The following STXBP3 variants were observed in gnomAD, a reference collection of about 807,000 sequenced individuals.
STXBP3 encodes the protein syntaxin binding protein 3.
In STXBP3, 41 loss-of-function variants were observed where a neutral mutation model predicts 85.7. The observed-to-expected ratio is 0.48, with a 90% CI of 0.37 to 0.62. The LOEUF (loss-of-function observed/expected upper bound fraction) is 0.62. Ranked by LOEUF, STXBP3 falls within the 20% of genes least tolerant of loss-of-function variation. The pLI is 0.00. For synonymous variants in STXBP3, 229 were observed against 231.7 expected, an observed-to-expected ratio of 0.99 and a Z score of 0.10; for missense variants, 563 against 703.1, an observed-to-expected ratio of 0.80 and a Z score of 2.25.
intron 16 of STXBP3, among the ~76,000 whole-genome samples, chr1:108,799,973 T>A (rs1663199083): frequency 6.6e-6 from 1 of 152,126 alleles, no homozygotes; most frequent in South Asian, 2.1e-4. Context: ...CCTGGAATCC[T>A]TATAACAGCA....
intron 11 of STXBP3, among the ~76,000 whole-genome samples, chr1:108,785,568 G>C (rs560607003): frequency 2.0e-5 from 3 of 148,718 alleles, no homozygotes; most frequent in Admixed American, 6.7e-5. Context: ...CATTTTCCCC[G>C]TTGTTTTGGT....
intron 17 of STXBP3, among the ~76,000 whole-genome samples, chr1:108,801,979 T>A (rs1663242384): frequency 6.6e-6 from 1 of 152,074 alleles, no homozygotes; most frequent in African/African-American, 2.4e-5. Context: ...CTTTTTTCCC[T>A]CATTTTTTTT....
At chr1:108,750,434 A>G (rs116509461) in intron 1 of STXBP3, among the ~76,000 whole-genome samples, 531 of 152,304 alleles carry the variant, frequency 3.5e-3, no homozygotes, top group Non-Finnish European at 5.0e-3. Context: ...AATTATCTCA[A>G]TTGATATTTC....
rs1248144802 is a variant in STXBP3, at chr1:108,798,219, T to C, written c.1431T>C (p.Phe477=). Residue 477 remains phenylalanine, a synonymous_variant, in exon 16 of 19, where the codon TTT becomes TTC. Coordinates refer to ENST00000370008, the MANE Select transcript of STXBP3 (RefSeq NM_007269.4). ...ETFQLSRWTP[F]IKDIMEDAID... is the part of the protein sequence containing the mutation. Reference sequence around the variant, plus strand: ...TTCAGCTCTCTCGGTGGACACCTTTTATCAAAGATATTATGGAGGTAAAAA... The same window carrying C: ...TTCAGCTCTCTCGGTGGACACCTTTCATCAAAGATATTATGGAGGTAAAAA... 6.2e-7 allele frequency: 1 copy of C among 1,611,934 alleles called. No individual in the cohort carries two copies. Among genetic ancestry groups the C allele is most frequent in the Admixed American group, 1.7e-5 (1 of 59,342 alleles).
chr1:108,768,301 G>A lies in STXBP3; in HGVS notation c.439-4364G>A, dbSNP rs377657096. Among the ~76,000 whole-genome samples, 10 of 151,938 alleles carry A rather than the reference G, an allele frequency of 6.6e-5. No individual in the cohort carries two copies. The South Asian group carries it at 2.1e-3, about 32-fold the overall frequency. ...TTGTTTGTATTTTTAGTAGAGATGG[G>A]GTTGCCCAGGCTGGTCTCGAACTCC... On this transcript the variant is annotated intron_variant, in intron 6 of 18. Transcript: ENST00000370008.
intron 11 of STXBP3, among the ~76,000 whole-genome samples, chr1:108,789,779 T>C (rs1450896496): frequency 6.6e-6 from 1 of 152,046 alleles, no homozygotes. Context: ...AGACTTGATT[T>C]ATGGGGCTGG....
chr1:108,789,790 G>T (rs529096289), intron 11 of STXBP3, among the ~76,000 whole-genome samples: 1 of 152,194 alleles, frequency 6.6e-6, no homozygotes, highest in African/African-American at 2.4e-5. Flanking sequence ...ATGGGGCTGG[G>T]CATGGTGGCT....
Position 108,796,858 on chromosome 1 carries a change from A to C in STXBP3, c.1356+132A>C, listed in dbSNP as rs865962499. 6 of 555,318 alleles carry C rather than the reference A, an allele frequency of 1.1e-5. No individual in the cohort carries two copies. The Middle Eastern group carries it at 9.9e-4, about 92-fold the overall frequency. 34.4% of individuals were successfully genotyped at this position (555,318 alleles called of 1,614,324 possible). On this transcript the variant is annotated intron_variant, in intron 15 of 18. Transcript: ENST00000370008. ...ATAGATTTTGAATAAGTAAGCAATT[A>C]AAGATTTTGTTCTCTTTTCCATATG...
chr1:108,752,964 G>A (rs2101102034), intron 2 of STXBP3, 99 bp from the exon 3 acceptor site: 1 of 824,158 alleles, frequency 1.2e-6, no homozygotes, highest in Non-Finnish European at 1.8e-6. Flanking sequence ...CTGATATTTT[G>A]TGTTATAAAA....
At chr1:108,784,462 A>T (rs1288856648) in intron 11 of STXBP3, among the ~76,000 whole-genome samples, 1 of 152,192 alleles carries the variant, frequency 6.6e-6, no homozygotes, top group Non-Finnish European at 1.5e-5. Flanking sequence ...CAAGAATAGC[A>T]TGGGGCAAAC....
Position 108,782,439 on chromosome 1 carries a change from A to G in STXBP3, c.827A>G (p.Lys276Arg), listed in dbSNP as rs780822407. ...ACTTGTAGATATAAAACAGATGGAA[A>G]AGAAAAGGAGGCCATCCTTGAAGAA... is the stretch of plus-strand genomic sequence containing the variant. ...NDTYKYKTDG[K>R]EKEAILEEED... is the part of the protein sequence containing the mutation. Residue 276 changes from lysine to arginine, a missense_variant, in exon 10 of 19, where the codon AAA becomes AGA. Physicochemically the swap from Lys to Arg is conservative, Grantham distance 26. Transcript: ENST00000370008. 6 of 1,613,062 alleles carry G rather than the reference A, an allele frequency of 3.7e-6. No homozygotes were observed. The highest frequency in any genetic ancestry group is 5.1e-6 in the Non-Finnish European group (6 of 1,179,626).
At chr1:108,755,616 C>G (rs1432574748) in intron 3 of STXBP3, among the ~76,000 whole-genome samples, 1 of 151,898 alleles carries the variant, frequency 6.6e-6, no homozygotes, top group East Asian at 1.9e-4. Flanking sequence ...TTTTCAGAGC[C>G]TGAGCCCTAA....
chr1:108,808,845 A>C lies in STXBP3; in HGVS notation c.1747A>C (p.Lys583Gln). Residue 583 changes from lysine (K) to glutamine (Q), a missense_variant, in exon 19 of 19, where the codon AAG (lysine) becomes CAG (glutamine). This residue lies in a region of STXBP3 where 494 missense variants were observed against 592.8 expected (regional missense o/e 0.83). Coordinates refer to ENST00000370008, the MANE Select transcript of STXBP3 (RefSeq NM_007269.4). The stretch of plus-strand genomic sequence containing the variant: ...TGATATAAAGATGCTGAATAAACCC[A>C]AGGATAAAGTCTCCTTAATTAAAGA... ...LDDIKMLNKPKDKVSLIKDE is the reference protein window; with the variant it reads ...LDDIKMLNKPQDKVSLIKDE 1 of 1,612,936 alleles carries C rather than the reference A, an allele frequency of 6.2e-7. No individual in the cohort carries two copies. The highest frequency in any genetic ancestry group is 8.5e-7 in the Non-Finnish European group (1 of 1,179,554).
chr1:108,761,318 A>G (rs1662137825), intron 6 of STXBP3, among the ~76,000 whole-genome samples: 1 of 140,438 alleles, frequency 7.1e-6, no homozygotes, highest in African/African-American at 2.7e-5. Flanking sequence ...TTATTTTAAT[A>G]TGTAAGTTTA....
In STXBP3 at chr1:108,796,036, T is replaced by G. The variant is rs145172709; in HGVS notation, c.1111-198T>G. Among the ~76,000 whole-genome samples the G allele has an allele frequency of 5.9e-3, 896 of 152,288 alleles. 15 individuals carry two copies. Among genetic ancestry groups the G allele is most frequent in the African/African-American group, 0.02 (833 of 41,574 alleles). Reference sequence around the variant, plus strand: ...ACCTGCCACCACGCCCGGCTAATTTTTTGTATTTTTAGTACAGATGGGGTT... The same window carrying G: ...ACCTGCCACCACGCCCGGCTAATTTGTTGTATTTTTAGTACAGATGGGGTT... On this transcript the variant is annotated intron_variant, in intron 13 of 18. Transcript: ENST00000370008.
Position 108,808,788 on chromosome 1 carries a change from A to G in STXBP3, c.1690A>G (p.Thr564Ala). ...HKSCEVIIGSTHVLTPKKLLD... is the reference protein window; with the variant it reads ...HKSCEVIIGSAHVLTPKKLLD... ...ATTCTCTTTTCTCCTACCAGGTTCT[A>G]CACATGTTTTAACACCCAAAAAGCT... Residue 564 changes from threonine to alanine, a missense_variant, in exon 19 of 19, where the codon ACA becomes GCA. By Grantham distance (58) the Thr-to-Ala change is moderately conservative. Transcript: ENST00000370008. The G allele has an allele frequency of 6.2e-7, 1 of 1,612,204 alleles. No homozygotes were observed. The highest frequency in any genetic ancestry group is 1.1e-5 in the South Asian group (1 of 90,576).
intron 6 of STXBP3, among the ~76,000 whole-genome samples, chr1:108,772,446 A>G (rs1286551364): frequency 7.1e-6 from 1 of 140,338 alleles, no homozygotes; most frequent in African/African-American, 2.6e-5. Context: ...ATCTATCTGT[A>G]TAATATATAA....
intron 16 of STXBP3, among the ~76,000 whole-genome samples, 182 bp downstream of exon 16, chr1:108,798,419 T>TA (rs1393790202): frequency 6.8e-6 from 1 of 146,348 alleles, no homozygotes; most frequent in East Asian, 2.0e-4. Context: ...TTTTTTTTTT[T>TA]TTTTTTTTCT....
intron 6 of STXBP3, among the ~76,000 whole-genome samples, chr1:108,771,486 ATCATATATAAATATATATG>A (rs1662409071): frequency 4.0e-5 from 3 of 75,714 alleles, no homozygotes; most frequent in African/African-American, 1.6e-4. Context: ...ATCTATATAT[ATCATATATAAATATATATG>A]ATATATAAAT....
Sources: allele counts gnomAD v4.1 joint callset (sites outside exome capture counted in the v4.1 genomes callset), GRCh38; gene constraint gnomAD v4.1.1; regional missense constraint gnomAD v4.1.1; transcripts MANE v1.5; gene names NCBI Gene and HGNC (gene_info 2026-07-23, HGNC 2026-07-21).